Variants in MED23 observed in about 807,000 individuals in gnomAD.
The protein encoded by MED23 is mediator complex subunit 23.
A neutral mutation model predicts 163.9 loss-of-function variants in MED23; 105 were observed. The ratio of observed to expected loss-of-function variants is 0.64; its 90% CI spans 0.55 to 0.75. MED23 has a LOEUF of 0.75. Among genes scored for constraint, MED23 ranks in the 30% least tolerant of loss-of-function variants. The pLI is 0.00. For synonymous variants in MED23, 561 were observed against 565.6 expected (o/e 0.99, Z 0.12); for missense variants, 1,054 against 1,649.0 (o/e 0.64, Z 6.25).
intron 13 of MED23, 102 bp downstream of exon 13, chr6:131,606,377 G>A (rs1775856898): frequency 8.1e-7 from 1 of 1,235,768 alleles, no homozygotes; most frequent in Non-Finnish European, 1.2e-6. Context: ...TAGTGGGTAT[G>A]CGGAGATTTC....
In MED23 at chr6:131,596,005, C is replaced by T. The variant is rs751244458; in HGVS notation, c.2937G>A (p.Pro979=). 1.1e-5 allele frequency: 17 copies of T among 1,613,692 alleles called. No homozygotes were observed. The highest frequency in any genetic ancestry group is 5.5e-5 in the South Asian group (5 of 91,060). The change falls in exon 22 of 29, where the codon CCG becomes CCA. Residue 979 remains proline (P), a synonymous_variant. Transcript: ENST00000368068. The part of the protein sequence containing the change: ...IVIHRFLELL[P]VSKSLETLLD... ...GTAGAGTCTCCAGTGATTTGGATAC[C>T]GGAAGCAACTCTAAAAATCTGTGGA...
At chr6:131,587,945 G>C in intron 28 of MED23, 99 bp from the exon 29 acceptor site, 1 of 993,358 alleles carries the variant, frequency 1.0e-6, no homozygotes, top group South Asian at 1.4e-5. Flanking sequence ...AATAAACTAA[G>C]GAGTGTCGTG....
rs1774509684 is a variant in MED23, at chr6:131,590,378, G to A, written c.3751C>T (p.Leu1251Phe). Reference protein sequence around the residue: ...TEFQLLYVYHLVGPFLQRFQQ... With the variant: ...TEFQLLYVYHFVGPFLQRFQQ... The stretch of plus-strand genomic sequence containing the variant: ...AATCTTTGTAAAAATGGTCCAACAA[G>A]ATGGTATACATAAAGCAACTGGAAT... The change falls in exon 27 of 29, where the codon CTT (leucine) becomes TTT (phenylalanine). Residue 1251 changes from leucine (L) to phenylalanine (F), a missense_variant. Transcript: ENST00000368068. 2 of 1,609,606 alleles carry A rather than the reference G, an allele frequency of 1.2e-6. No homozygotes were observed. Among genetic ancestry groups the A allele is most frequent in the Admixed American group, 1.7e-5 (1 of 59,980 alleles).
chr6:131,626,475 G>C (rs1777511172), intron 3 of MED23, among the ~76,000 whole-genome samples: 1 of 152,120 alleles, frequency 6.6e-6, no homozygotes, highest in African/African-American at 2.4e-5. Flanking sequence ...ATTACCTGTA[G>C]ATTATTATTA....
At chr6:131,610,781 CT>C (rs1776225707) in intron 10 of MED23, among the ~76,000 whole-genome samples, 1 of 152,150 alleles carries the variant, frequency 6.6e-6, no homozygotes, top group Admixed American at 6.5e-5. Context: ...TATTCAACAT[CT>C]GTTTTCAATG....
In MED23 at chr6:131,601,471, A is replaced by G. The variant is rs75978942; in HGVS notation, c.2095+747T>C. Among the ~76,000 whole-genome samples, 471 of 152,360 alleles carry G rather than the reference A, an allele frequency of 3.1e-3. 21 individuals are homozygous for G. In the East Asian group the frequency reaches 0.083, roughly 27 times the overall value. On this transcript the variant is annotated intron_variant, in intron 17 of 28. Coordinates refer to ENST00000368068, the MANE Select transcript of MED23 (RefSeq NM_004830.4). The stretch of plus-strand genomic sequence containing the variant: ...ACAGATGTACAGATTATAATGTAAC[A>G]AAGTACATGAAGTTTACTGGGGGTT...
At chr6:131,594,998 T>A (rs1477683060) in intron 22 of MED23, among the ~76,000 whole-genome samples, 1 of 152,128 alleles carries the variant, frequency 6.6e-6, no homozygotes, top group Non-Finnish European at 1.5e-5. Flanking sequence ...AAGAAAAATG[T>A]TTTTAAAAGA....
chr6:131,614,407 A>G (rs907765538), intron 10 of MED23, among the ~76,000 whole-genome samples: 1 of 152,224 alleles, frequency 6.6e-6, no homozygotes, highest in African/African-American at 2.4e-5. Context: ...GCTATTTTAT[A>G]TAACCTAGAC....
intron 15 of MED23, 98 bp downstream of exon 15, chr6:131,604,080 G>T: frequency 8.4e-7 from 1 of 1,186,076 alleles, no homozygotes; most frequent in Non-Finnish European, 1.3e-6. Flanking sequence ...CCATCATGGT[G>T]GTGACTTGTT....
At chr6:131,577,818 T>C (rs1263943397) in intron 30 of MED23, among the ~76,000 whole-genome samples, 1 of 148,338 alleles carries the variant, frequency 6.7e-6, no homozygotes, top group Admixed American at 6.8e-5. Flanking sequence ...GGCAGGAGAA[T>C]GGCTTGAACC....
chr6:131,603,049 GGTTT>G lies in MED23; in HGVS notation c.1908_1911del (p.Asn637ArgfsTer16). 6.2e-7 allele frequency: 1 copy of G among 1,613,904 alleles called. No individual in the cohort carries two copies. Among genetic ancestry groups the G allele is most frequent in the African/African-American group, 1.3e-5 (1 of 75,020 alleles). On this transcript the variant is annotated frameshift_variant, in exon 16 of 29. Transcript: ENST00000368068. LOFTEE classifies it high-confidence loss of function. ...GCTCACCAAAGATGGAGCTGGTTCT[GGTTT>G]GTTTGTGCAACTGCAGCCAAAGTAT...
chr6:131,594,134 G>A lies in MED23; in HGVS notation c.3197C>T (p.Thr1066Ile). The change falls in exon 23 of 29, where the codon ACC becomes ATC. Residue 1066 changes from threonine (T) to isoleucine (I), a missense_variant. By Grantham distance (89) the Thr-to-Ile change is moderately conservative (BLOSUM62 -1). Transcript: ENST00000368068. ...REENPWVPDDTYYCRLIGRLV... is the reference protein window; with the variant it reads ...REENPWVPDDIYYCRLIGRLV... ...TCTGCCAATCAATCTGCAATAGTAG[G>A]TGTCATCTGGAACCCAAGGATTTTC... The A allele has an allele frequency of 1.2e-6, 2 of 1,614,072 alleles. No homozygotes were observed. Among genetic ancestry groups the A allele is most frequent in the Non-Finnish European group, 1.7e-6 (2 of 1,179,990 alleles).
downstream of MED23, chr6:131,583,925 T>C (rs556580014): frequency 1.7e-5 from 27 of 1,612,644 alleles, no homozygotes; most frequent in African/African-American, 2.7e-4. Context: ...AAACATCCGA[T>C]ATAAATCTCA....
At chr6:131,597,458 AGAGAAAGACTCCATATC>A (rs1775134853) in intron 20 of MED23, among the ~76,000 whole-genome samples, 1 of 140,844 alleles carries the variant, frequency 7.1e-6, no homozygotes. Flanking sequence ...CCTGGGCGAC[AGAGAAAGACTCCATATC>A]AAAAAAAAAA....
In MED23 at chr6:131,615,898, G is replaced by A. The variant is rs372884045; in HGVS notation, c.876+9C>T. ...CAGAATTTACTAGGTTTCCAGCATA[G>A]TACAGTACCTGCTTATTTAAACCTA... On this transcript the variant is annotated intron_variant, in intron 10 of 28. Coordinates refer to ENST00000368068, the MANE Select transcript of MED23 (RefSeq NM_004830.4). 3 of 1,599,718 alleles carry A rather than the reference G, an allele frequency of 1.9e-6. No homozygotes were observed. The African/African-American group carries it at 4.0e-5, about 21-fold the overall frequency.
At position 131,594,336 on chromosome 6, in the gene MED23, C is replaced by T. The variant is rs1774880554; in HGVS notation, c.2996-1G>A. On this transcript the variant is annotated splice_acceptor_variant, in intron 22 of 28. Transcript: ENST00000368068. LOFTEE classifies it high-confidence loss of function. ...TTATACAGATAAGTCACTGGACGATCTGCCAAGAAAAAAACATACCACCAC... is the reference window on the plus strand; with the variant it reads ...TTATACAGATAAGTCACTGGACGATTTGCCAAGAAAAAAACATACCACCAC... 1 of 1,607,932 alleles carries T rather than the reference C, an allele frequency of 6.2e-7. No homozygotes were observed. Among genetic ancestry groups the T allele is most frequent in the Non-Finnish European group, 8.5e-7 (1 of 1,174,410 alleles).
At chr6:131,623,275 C>G in intron 5 of MED23, 76 bp downstream of exon 5, 1 of 1,140,276 alleles carries the variant, frequency 8.8e-7, no homozygotes, top group South Asian at 1.2e-5. Context: ...ATTTCTCTCA[C>G]CTGAAAATAA....
Position 131,581,093 on chromosome 6 carries a change from A to G in MED23, c.4095+6616T>C, listed in dbSNP as rs566447332. 21 of 919,458 alleles carry G rather than the reference A, an allele frequency of 2.3e-5. No homozygotes were observed. The South Asian group carries it at 2.9e-4, about 13-fold the overall frequency. The allele number at this position is 919,458 out of a possible 1,614,324, so 57.0% of individuals were successfully genotyped here. Reference sequence around the variant, plus strand: ...TTTAACTAATTGGCATCTCCAATTCAGAACCTATCAGAAATATCAGACACT... The same window carrying G: ...TTTAACTAATTGGCATCTCCAATTCGGAACCTATCAGAAATATCAGACACT... On this transcript the variant is annotated intron_variant, in intron 30 of 30. Coordinates refer to the MED23 transcript ENST00000354577.
Position 131,574,240 on chromosome 6 carries a change from G to C in MED23, c.*53C>G, listed in dbSNP as rs540891806. On this transcript the variant is annotated 3_prime_UTR_variant, in exon 31 of 31. Coordinates refer to the MED23 transcript ENST00000354577. ...TTTTCTCCAGGTTTCTCAGGATCTG[G>C]GCAGCGTTTTGCTTCCTCTTAATTT... 18 of 1,609,644 alleles carry C rather than the reference G, an allele frequency of 1.1e-5. No individual in the cohort carries two copies. The African/African-American group carries it at 2.4e-4, about 21-fold the overall frequency.
Sources: allele counts gnomAD v4.1 joint callset (sites outside exome capture counted in the v4.1 genomes callset), GRCh38; gene constraint gnomAD v4.1.1; transcripts MANE v1.5; gene names NCBI Gene and HGNC (gene_info 2026-07-23, HGNC 2026-07-21).